WWOX: variants seen among roughly 807,000 people sequenced by gnomAD.
WWOX encodes the protein WW domain containing oxidoreductase.
Under a neutral mutation model 46.2 loss-of-function variants are expected in WWOX, and 69 were observed. The ratio of observed to expected loss-of-function variants is 1.49; its 90% CI spans 1.23 to 1.82. The LOEUF (loss-of-function observed/expected upper bound fraction) is 1.82, where lower values mean the gene tolerates loss of function less well. Ranked by LOEUF, WWOX falls within the 40% of genes most tolerant of loss-of-function variation. The probability of loss-of-function intolerance (pLI) is 0.00; values close to 1 mark genes in which losing one functional copy is unlikely to be tolerated. For synonymous variants in WWOX, 359 were observed against 202.6 expected (o/e 1.77, Z -6.56); for missense variants, 919 against 542.6 (o/e 1.69, Z -6.89).
At chr16:79,119,740 A>C (rs1177756181) in intron 8 of WWOX, among the ~76,000 whole-genome samples, 4 of 152,224 alleles carry the variant, frequency 2.6e-5, no homozygotes, top group Non-Finnish European at 5.9e-5. Flanking sequence ...GGTTTGAATC[A>C]TGATGGCAGT....
intron 8 of WWOX, among the ~76,000 whole-genome samples, chr16:78,914,878 C>T (rs868526049): frequency 9.1e-5 from 6 of 65,678 alleles, no homozygotes; most frequent in African/African-American, 2.6e-4. Flanking sequence ...GACTCCGCCT[C>T]AGAAAAAAAA....
chr16:79,054,555 C>T (rs1002891829), intron 8 of WWOX, among the ~76,000 whole-genome samples: 3 of 152,164 alleles, frequency 2.0e-5, no homozygotes, highest in Non-Finnish European at 4.4e-5. Context: ...GGTACAGTGG[C>T]TCACACCTGT....
intron 8 of WWOX, among the ~76,000 whole-genome samples, chr16:78,519,679 C>T (rs1019891606): frequency 9.2e-5 from 14 of 151,982 alleles, no homozygotes; most frequent in South Asian, 4.1e-4. Context: ...GGTACTAATC[C>T]CCATGAATGG....
chr16:78,931,912 T>C (rs768777443), intron 8 of WWOX, among the ~76,000 whole-genome samples: 1 of 152,192 alleles, frequency 6.6e-6, no homozygotes, highest in African/African-American at 2.4e-5. Context: ...GCTGTTGTTA[T>C]GATAGTGAAT....
At position 79,212,313 on chromosome 16, in the gene WWOX, A is replaced by G. The variant is rs2051792621; in HGVS notation, c.*517A>G. ...AGCTTAGCAACTGCTGGGGAGACAA[A>G]TCTCAGAACCTTGTCCCAGCCAGTG... On this transcript the variant is annotated 3_prime_UTR_variant, in exon 9 of 9. Transcript: ENST00000566780. 1 of 856,490 alleles carries G rather than the reference A, an allele frequency of 1.2e-6. No individual in the cohort carries two copies. Among genetic ancestry groups the G allele is most frequent in the African/African-American group, 1.7e-5 (1 of 58,422 alleles). The allele number at this position is 856,490 out of a possible 1,614,324, so 53.1% of individuals were successfully genotyped here.
chr16:78,646,217 T>C (rs1323223084), intron 8 of WWOX, among the ~76,000 whole-genome samples: 1 of 152,132 alleles, frequency 6.6e-6, no homozygotes, highest in Non-Finnish European at 1.5e-5. Flanking sequence ...GATGATATCT[T>C]GCTCTATTGC....
intron 8 of WWOX, among the ~76,000 whole-genome samples, chr16:79,144,151 C>A (rs1234751097): frequency 6.6e-6 from 1 of 152,206 alleles, no homozygotes; most frequent in Non-Finnish European, 1.5e-5. Flanking sequence ...CCTCCTGTCT[C>A]AGCCTCCCAA....
At position 79,014,411 on chromosome 16, in the gene WWOX, C is replaced by T. The variant is rs1005834515; in HGVS notation, c.1057-197197C>T. ...AAACACTGTGGAACCTTTAAATTTTCTCAAGCTGTCTATGTTTTCCTGGAT... is the reference window on the plus strand; with the variant it reads ...AAACACTGTGGAACCTTTAAATTTTTTCAAGCTGTCTATGTTTTCCTGGAT... On this transcript the variant is annotated intron_variant, in intron 8 of 8. Transcript: ENST00000566780. Among the ~76,000 whole-genome samples, 3 of 152,264 alleles carry T rather than the reference C, an allele frequency of 2.0e-5. No homozygotes were observed. The South Asian group carries it at 6.2e-4, about 32-fold the overall frequency.
chr16:78,326,359 G>A (rs1381620675), intron 5 of WWOX, among the ~76,000 whole-genome samples: 1 of 152,116 alleles, frequency 6.6e-6, no homozygotes, highest in Non-Finnish European at 1.5e-5. Context: ...GGCATATTCT[G>A]TCTTTTTATA....
chr16:78,749,804 C>G (rs1444328581), intron 8 of WWOX, among the ~76,000 whole-genome samples: 1 of 152,150 alleles, frequency 6.6e-6, no homozygotes, highest in East Asian at 1.9e-4. Context: ...TATATTTAAC[C>G]AGGCTTTTTA....
At chr16:78,187,308 C>T (rs550242571) in intron 5 of WWOX, among the ~76,000 whole-genome samples, 8 of 152,274 alleles carry the variant, frequency 5.3e-5, no homozygotes, top group Non-Finnish European at 1.2e-4. Context: ...GAGGACTGCA[C>T]TCAAGGAACT....
At chr16:78,249,175 C>G (rs1198823542) in intron 5 of WWOX, among the ~76,000 whole-genome samples, 1 of 152,062 alleles carries the variant, frequency 6.6e-6, no homozygotes, top group Non-Finnish European at 1.5e-5. Flanking sequence ...TTATAGATGA[C>G]AAGGCATGGA....
chr16:78,750,265 G>A (rs1376059899), intron 8 of WWOX, among the ~76,000 whole-genome samples: 4 of 152,154 alleles, frequency 2.6e-5, no homozygotes, highest in African/African-American at 9.7e-5. Context: ...CCTATTCAGA[G>A]GCTCAGTTTC....
intron 5 of WWOX, among the ~76,000 whole-genome samples, chr16:78,325,681 G>C (rs1035404543): frequency 1.3e-5 from 2 of 152,226 alleles, no homozygotes; most frequent in African/African-American, 4.8e-5. Flanking sequence ...CCTTCTTGGA[G>C]ATTGCTGCAA....
intron 8 of WWOX, among the ~76,000 whole-genome samples, chr16:79,149,125 A>G (rs970287580): frequency 6.6e-6 from 1 of 152,158 alleles, no homozygotes; most frequent in Admixed American, 6.5e-5. Context: ...GGGAGGGGGA[A>G]GTTATTTACC....
At chr16:78,217,263 C>A (rs780564574) in intron 5 of WWOX, among the ~76,000 whole-genome samples, 2 of 152,160 alleles carry the variant, frequency 1.3e-5, no homozygotes. Context: ...GCCTGCCTTG[C>A]AGGATATGTG....
At chr16:79,072,280 TC>T (rs975771101) in intron 8 of WWOX, among the ~76,000 whole-genome samples, 1 of 151,874 alleles carries the variant, frequency 6.6e-6, no homozygotes, top group Non-Finnish European at 1.5e-5. Flanking sequence ...AATGAGACTG[TC>T]CCCCCAACCC....
chr16:78,303,720 T>G (rs1330823073), intron 5 of WWOX, among the ~76,000 whole-genome samples: 4 of 152,148 alleles, frequency 2.6e-5, no homozygotes, highest in African/African-American at 9.7e-5. Flanking sequence ...AATTGTGTAT[T>G]TTTAGTAGAG....
intron 8 of WWOX, among the ~76,000 whole-genome samples, chr16:79,121,580 A>G (rs556560014): frequency 6.6e-6 from 1 of 152,152 alleles, no homozygotes; most frequent in Non-Finnish European, 1.5e-5. Context: ...GAATAACAAG[A>G]GACCGTGCTG....
Sources: allele counts gnomAD v4.1 joint callset (sites outside exome capture counted in the v4.1 genomes callset), GRCh38; gene constraint gnomAD v4.1.1; transcripts MANE v1.5; gene names NCBI Gene and HGNC (gene_info 2026-07-23, HGNC 2026-07-21).